LPP: variants seen among roughly 807,000 people sequenced by gnomAD.
LPP encodes lipoma-preferred partner.
LPP carries 38 observed loss-of-function variants against 60.4 expected under a neutral mutation model. That is an observed-to-expected ratio of 0.63 (90% CI 0.49 to 0.83). LPP has a LOEUF of 0.83. Among genes scored for constraint, LPP ranks in the 40% least tolerant of loss-of-function variants. The pLI is 0.00. For missense variants in LPP, 902 were observed against 783.6 expected (o/e 1.15, Z -1.80); for synonymous variants, 328 against 290.8 (o/e 1.13, Z -1.30).
intron 2 of LPP, among the ~76,000 whole-genome samples, chr3:188,233,545 G>A (rs1466530757): frequency 6.6e-6 from 1 of 152,178 alleles, no homozygotes; most frequent in Non-Finnish European, 1.5e-5. Context: ...CTCATTCTAT[G>A]ATTAAGCCAG....
chr3:188,271,743 T>G (rs902113897), intron 2 of LPP, among the ~76,000 whole-genome samples: 1 of 152,180 alleles, frequency 6.6e-6, no homozygotes, highest in Admixed American at 6.5e-5. Context: ...CCTCTTCCCT[T>G]TCTCTTCTGA....
At chr3:188,492,192 G>A (rs1013447595) in intron 5 of LPP, among the ~76,000 whole-genome samples, 5 of 152,180 alleles carry the variant, frequency 3.3e-5, no homozygotes, top group African/African-American at 1.2e-4. Flanking sequence ...TCTGTATAGG[G>A]AGTAATATAC....
chr3:188,359,544 T>C (rs1274360068), intron 3 of LPP, among the ~76,000 whole-genome samples: 2 of 152,176 alleles, frequency 1.3e-5, no homozygotes, highest in East Asian at 3.9e-4. Context: ...AGGCAGTAAG[T>C]GGACTGTAAA....
chr3:188,549,909 T>C (rs1231076095), intron 6 of LPP, among the ~76,000 whole-genome samples: 2 of 152,228 alleles, frequency 1.3e-5, no homozygotes, highest in Non-Finnish European at 2.9e-5. Flanking sequence ...CCTTGCTTAG[T>C]GTGCATTAAA....
chr3:188,207,783 T>G (rs1020374768), intron 1 of LPP, among the ~76,000 whole-genome samples: 4 of 152,090 alleles, frequency 2.6e-5, no homozygotes, highest in Non-Finnish European at 5.9e-5. Context: ...GGAATGCCCT[T>G]TGTTCCTTCA....
chr3:188,862,754 AAAG>A (rs1446037731), intron 9 of LPP, among the ~76,000 whole-genome samples: 2 of 145,116 alleles, frequency 1.4e-5, no homozygotes, highest in East Asian at 2.0e-4. Flanking sequence ...AAAAGAAAAG[AAAG>A]AAAGAAAAAG....
rs578251289 is a variant in LPP at position 188,854,225 on chromosome 3, C to T, written c.1411-11975C>T. ...GAAAACCCTATACTCCCTGGCTGTG[C>T]GTTTCATACCTAGTTAATCTAAATC... is the stretch of plus-strand genomic sequence containing the variant. On this transcript the variant is annotated intron_variant, in intron 9 of 11. Coordinates refer to ENST00000617246, the MANE Select transcript of LPP (RefSeq NM_001375462.1). 7.2e-5 allele frequency among the ~76,000 whole-genome samples: 11 copies of T among 152,320 alleles called. No individual in the cohort carries two copies. In the East Asian group the frequency reaches 1.3e-3, roughly 19 times the overall value.
intron 6 of LPP, among the ~76,000 whole-genome samples, chr3:188,564,975 CTTT>C (rs935231702): frequency 6.6e-6 from 1 of 151,952 alleles, no homozygotes; most frequent in African/African-American, 2.4e-5. Context: ...GTGTCTCTGG[CTTT>C]TGCTCCATTC....
At chr3:188,775,108 A>G (rs1390191329) in intron 9 of LPP, among the ~76,000 whole-genome samples, 1 of 145,786 alleles carries the variant, frequency 6.9e-6, no homozygotes, top group East Asian at 2.0e-4. Context: ...GCTGAAGTGT[A>G]GTGGCACAAT....
At chr3:188,250,417 G>T (rs1560157689) in intron 2 of LPP, among the ~76,000 whole-genome samples, 1 of 152,164 alleles carries the variant, frequency 6.6e-6, no homozygotes, top group Admixed American at 6.5e-5. Context: ...CGTCATTGGG[G>T]ATGTTAATTT....
chr3:188,578,746 G>A (rs931826194), intron 6 of LPP, among the ~76,000 whole-genome samples: 40 of 151,852 alleles, frequency 2.6e-4, no homozygotes, highest in Non-Finnish European at 4.7e-4. Flanking sequence ...CTCTCTCCCC[G>A]TGGTGCACTG....
At chr3:188,830,720 C>T (rs904670984) in intron 9 of LPP, among the ~76,000 whole-genome samples, 2 of 152,144 alleles carry the variant, frequency 1.3e-5, no homozygotes, top group African/African-American at 2.4e-5. Flanking sequence ...CTGAGAAAAT[C>T]CAAGAGGTCT....
intron 9 of LPP, among the ~76,000 whole-genome samples, chr3:188,844,540 G>C (rs1760949020): frequency 1.3e-5 from 2 of 152,250 alleles, no homozygotes; most frequent in African/African-American, 4.8e-5. Context: ...TATTTTTCTA[G>C]CTTGTGTTAA....
chr3:188,526,950 A>G (rs1432358258), intron 6 of LPP, among the ~76,000 whole-genome samples: 1 of 152,236 alleles, frequency 6.6e-6, no homozygotes, highest in Non-Finnish European at 1.5e-5. Context: ...TCTGAAGGTG[A>G]CACAGTCTGA....
chr3:188,797,796 T>C (rs984414810), intron 9 of LPP, among the ~76,000 whole-genome samples: 1 of 152,240 alleles, frequency 6.6e-6, no homozygotes, highest in African/African-American at 2.4e-5. Flanking sequence ...GTATGTATTA[T>C]ATTCCTTACA....
At chr3:188,381,002 A>G (rs774178829) in intron 3 of LPP, among the ~76,000 whole-genome samples, 1 of 152,178 alleles carries the variant, frequency 6.6e-6, no homozygotes, top group African/African-American at 2.4e-5. Flanking sequence ...CCCAGAGCCT[A>G]TGTCTTCATC....
intron 7 of LPP, among the ~76,000 whole-genome samples, chr3:188,635,720 T>C (rs183331361): frequency 1.3e-5 from 2 of 152,328 alleles, no homozygotes; most frequent in Admixed American, 1.3e-4. Context: ...GAGAATGATA[T>C]GTTCTTTAGT....
At chr3:188,428,182 C>T (rs1045859864) in intron 4 of LPP, among the ~76,000 whole-genome samples, 3 of 152,144 alleles carry the variant, frequency 2.0e-5, no homozygotes, top group Non-Finnish European at 4.4e-5. Flanking sequence ...TCCCTGACCC[C>T]TTGTGCTTCC....
rs147580525 is a variant in LPP, at chr3:188,484,790, A to G, written c.306+86A>G. The G allele has an allele frequency of 2.9e-3, 2,823 of 989,192 alleles. 26 individuals are homozygous for G. Among genetic ancestry groups the G allele is most frequent in the Middle Eastern group, 0.011 (54 of 4,718 alleles). 61.3% of individuals were successfully genotyped at this position (989,192 alleles called of 1,614,324 possible). A position where few individuals can be genotyped will look rare whatever the true frequency, so the allele number is the denominator to read the frequency against. ...CCATCCTAGGGAGCTCATGAATTTC[A>G]TGAGTGTTTCTGTGCTGGATAAACA... On this transcript the variant is annotated intron_variant, in intron 5 of 11. Coordinates refer to ENST00000617246, the MANE Select transcript of LPP (RefSeq NM_001375462.1).
Sources: allele counts gnomAD v4.1 joint callset (sites outside exome capture counted in the v4.1 genomes callset), GRCh38; gene constraint gnomAD v4.1.1; transcripts MANE v1.5; gene names NCBI Gene and HGNC (gene_info 2026-07-23, HGNC 2026-07-21).